The following MYOF variants were observed in gnomAD, a reference collection of about 807,000 sequenced individuals.
The protein encoded by MYOF is fer-1-like 3, myoferlin.
A neutral mutation model predicts 284.2 loss-of-function variants in MYOF; 244 were observed. The ratio of observed to expected loss-of-function variants is 0.86; its 90% CI spans 0.77 to 0.95. MYOF has a LOEUF of 0.95. Ranked by LOEUF, MYOF falls within the 40% of genes least tolerant of loss-of-function variation. MYOF has a pLI of 0.00. For missense variants in MYOF, 2,496 were observed against 2,560.6 expected (o/e 0.97, Z 0.54); for synonymous variants, 904 against 919.7 (o/e 0.98, Z 0.31).
chr10:93,373,029 C>G lies in MYOF; in HGVS notation c.2358G>C (p.Leu786=). 1 of 1,614,150 alleles carries G rather than the reference C, an allele frequency of 6.2e-7. No individual in the cohort carries two copies. The highest frequency in any genetic ancestry group is 2.2e-5 in the East Asian group (1 of 44,880). Residue 786 remains leucine (L), a synonymous_variant, in exon 24 of 54, where the codon CTG becomes CTC. Coordinates refer to ENST00000359263, the MANE Select transcript of MYOF (RefSeq NM_013451.4). ...GATGTGCGGGAATTCGTGCATAGGC[C>G]AGTCTCTTCTCTCCCCGGATCATCC... ...IIWMIRGEKR[L]AYARIPAHQV...
chr10:93,314,623 A>AT (rs1385478405), intron 50 of MYOF, among the ~76,000 whole-genome samples: 7 of 152,212 alleles, frequency 4.6e-5, no homozygotes, highest in Admixed American at 4.6e-4. Flanking sequence ...TAGTGGACCC[A>AT]TAAGACACGT....
At chr10:93,447,233 A>G (rs2056455690) in intron 3 of MYOF, among the ~76,000 whole-genome samples, 1 of 152,128 alleles carries the variant, frequency 6.6e-6, no homozygotes. Context: ...CCTTGTTTTA[A>G]CCTGATTGTC....
chr10:93,377,299 G>GA (rs750516824), intron 22 of MYOF, 24 bp downstream of exon 22: 1 of 1,542,992 alleles, frequency 6.5e-7, no homozygotes. Flanking sequence ...TGAAAATTCT[G>GA]AGATAGGCGT....
At chr10:93,329,494 C>A (rs917837555) in intron 44 of MYOF, among the ~76,000 whole-genome samples, 170 bp downstream of exon 44, 1 of 152,170 alleles carries the variant, frequency 6.6e-6, no homozygotes. Context: ...TGAATAGGGG[C>A]CATGAGGTGG....
chr10:93,463,693 C>T (rs927882016), intron 1 of MYOF, among the ~76,000 whole-genome samples: 1 of 151,818 alleles, frequency 6.6e-6, no homozygotes, highest in Non-Finnish European at 1.5e-5. Flanking sequence ...AGGCACCACA[C>T]CCGGCCCATC....
intron 19 of MYOF, among the ~76,000 whole-genome samples, chr10:93,382,130 C>G (rs916550233): frequency 7.2e-5 from 11 of 152,136 alleles, no homozygotes; most frequent in African/African-American, 2.7e-4. Context: ...GAATATAACT[C>G]AAATTGTTAA....
chr10:93,440,221 G>C (rs560012309), intron 3 of MYOF, among the ~76,000 whole-genome samples: 1 of 152,158 alleles, frequency 6.6e-6, no homozygotes, highest in South Asian at 2.1e-4. Context: ...AGACCATCCT[G>C]GCCAATATGG....
At chr10:93,456,673 C>T (rs17481931) in intron 2 of MYOF, among the ~76,000 whole-genome samples, 7,051 of 152,222 alleles carry the variant, frequency 0.046, 218 homozygotes, top group Non-Finnish European at 0.07. Context: ...CTTCCCTTGC[C>T]GCGCCACTGC....
intron 25 of MYOF, among the ~76,000 whole-genome samples, chr10:93,369,395 G>A (rs1845484161): frequency 6.6e-6 from 1 of 151,964 alleles, no homozygotes; most frequent in Non-Finnish European, 1.5e-5. Flanking sequence ...AGAAGTGGAA[G>A]GCATCTAAGT....
intron 38 of MYOF, among the ~76,000 whole-genome samples, chr10:93,340,866 G>A (rs1316729896): frequency 6.6e-6 from 1 of 152,132 alleles, no homozygotes; most frequent in Non-Finnish European, 1.5e-5. Context: ...ATCTGTTAGA[G>A]CATTAGCCAA....
At chr10:93,391,198 T>C (rs577564335) in intron 17 of MYOF, among the ~76,000 whole-genome samples, 85 of 152,254 alleles carry the variant, frequency 5.6e-4, no homozygotes, top group Admixed American at 2.0e-3. Flanking sequence ...CCAACAAATC[T>C]CTTTTCTGGT....
chr10:93,381,326 CCAA>C lies in MYOF; in HGVS notation c.1766_1768del (p.Val589del), dbSNP rs778811115. On this transcript the variant is annotated inframe_deletion, in exon 20 of 54. Transcript: ENST00000359263. Reference sequence around the variant, plus strand: ...GCTGACTTCAAACTGAATGGCCTCACCAACATCTTGCAACATGGTGGCTGAATG... The same window carrying C: ...GCTGACTTCAAACTGAATGGCCTCACCATCTTGCAACATGGTGGCTGAATG... 6 of 1,614,084 alleles carry C rather than the reference CCAA, an allele frequency of 3.7e-6. No individual in the cohort carries two copies. Among genetic ancestry groups the C allele is most frequent in the Non-Finnish European group, 5.1e-6 (6 of 1,180,034 alleles).
At chr10:93,347,535 G>A in intron 37 of MYOF, 82 bp downstream of exon 37, 5 of 1,247,566 alleles carry the variant, frequency 4.0e-6, no homozygotes, top group Non-Finnish European at 5.2e-6. Flanking sequence ...GTCCGGCCTG[G>A]GCGACAGAGC....
chr10:93,426,968 C>A (rs1205594252), intron 4 of MYOF, among the ~76,000 whole-genome samples: 1 of 148,440 alleles, frequency 6.7e-6, no homozygotes, highest in Non-Finnish European at 1.5e-5. Flanking sequence ...CTCACTGCAG[C>A]CTCTGCCGCC....
chr10:93,371,482 AAAG>A (rs1434333854), intron 24 of MYOF, among the ~76,000 whole-genome samples: 23 of 152,238 alleles, frequency 1.5e-4, no homozygotes, highest in African/African-American at 5.1e-4. Context: ...GCAAGACATT[AAAG>A]AAGTTTGCAA....
At chr10:93,363,691 C>T (rs1294667579) in intron 27 of MYOF, among the ~76,000 whole-genome samples, 6 of 151,934 alleles carry the variant, frequency 3.9e-5, no homozygotes, top group Admixed American at 3.3e-4. Flanking sequence ...CAACAGAACC[C>T]TAATTAGATA....
chr10:93,414,792 G>C (rs1442822085), intron 5 of MYOF, among the ~76,000 whole-genome samples: 2 of 151,950 alleles, frequency 1.3e-5, no homozygotes, highest in Non-Finnish European at 2.9e-5. Context: ...CATCCAGGCT[G>C]GAGTGTAGTG....
intron 7 of MYOF, among the ~76,000 whole-genome samples, chr10:93,405,295 A>G (rs1221642349): frequency 1.3e-5 from 2 of 152,256 alleles, no homozygotes; most frequent in East Asian, 3.8e-4. Context: ...AAATTTCTCC[A>G]ATCATCCCTA....
At chr10:93,333,193 C>T (rs1351868715) in intron 43 of MYOF, 28 bp downstream of exon 43, 6 of 1,581,726 alleles carry the variant, frequency 3.8e-6, no homozygotes, top group Non-Finnish European at 5.2e-6. Flanking sequence ...AAATGAAGGC[C>T]AGAAAAACAT....
Sources: allele counts gnomAD v4.1 joint callset (sites outside exome capture counted in the v4.1 genomes callset), GRCh38; gene constraint gnomAD v4.1.1; transcripts MANE v1.5; gene names NCBI Gene and HGNC (gene_info 2026-07-23, HGNC 2026-07-21).